Variants in ST8SIA4 observed in about 807,000 individuals in gnomAD.
ST8SIA4 encodes CMP-N-acetylneuraminate-poly-alpha-2,8-sialyltransferase.
In ST8SIA4, 15 loss-of-function variants were observed where a neutral mutation model predicts 33.9. That is an observed-to-expected ratio of 0.44 (90% CI 0.30 to 0.68). ST8SIA4 has a LOEUF of 0.68. Ranked by LOEUF, ST8SIA4 falls within the 30% of genes least tolerant of loss-of-function variation. The probability of loss-of-function intolerance (pLI) is 0.10; values close to 1 mark genes in which losing one functional copy is unlikely to be tolerated. For synonymous variants in ST8SIA4, 171 were observed against 151.2 expected (o/e 1.13, Z -0.96); for missense variants, 321 against 428.0 (o/e 0.75, Z 2.21).
chr5:100,903,078 G>C lies in ST8SIA4; in HGVS notation c.-123C>G. ...TAAAATGCGAGGAGAGCTTGGAGCC[G>C]GGATCCCGGGATCAGATCACTGGGG... On this transcript the variant is annotated 5_prime_UTR_variant, in exon 1 of 5. Coordinates refer to ENST00000231461, the MANE Select transcript of ST8SIA4 (RefSeq NM_005668.6). 1.5e-6 allele frequency: 1 copy of C among 677,628 alleles called. No homozygotes were observed. The highest frequency in any genetic ancestry group is 2.6e-6 in the Non-Finnish European group (1 of 391,936). 42.0% of individuals were successfully genotyped at this position (677,628 alleles called of 1,614,324 possible).
rs1751813589 is a variant in ST8SIA4 at position 100,856,378 on chromosome 5, C to T, written c.522G>A (p.Val174=). ...TTCCCACATCTGCAGCAAACTCCAC[C>T]ACAGGAGCTAGATTACACCTGAAGA... is the stretch of plus-strand genomic sequence containing the variant. The part of the protein sequence containing the change: ...NFVIRCNLAP[V]VEFAADVGTK... The change falls in exon 4 of 5, where the codon GTG becomes GTA. Residue 174 remains valine (V), a synonymous_variant. Coordinates refer to ENST00000231461, the MANE Select transcript of ST8SIA4 (RefSeq NM_005668.6). 2 of 1,613,376 alleles carry T rather than the reference C, an allele frequency of 1.2e-6. No homozygotes were observed. The highest frequency in any genetic ancestry group is 1.7e-5 in the Admixed American group (1 of 59,968).
chr5:100,852,236 C>T (rs1179424799), intron 4 of ST8SIA4, among the ~76,000 whole-genome samples: 1 of 150,572 alleles, frequency 6.6e-6, no homozygotes, highest in Non-Finnish European at 1.5e-5. Flanking sequence ...ATTCTCCTGC[C>T]TCAGCCTGCC....
At chr5:100,870,952 A>G (rs1752185931) in intron 3 of ST8SIA4, among the ~76,000 whole-genome samples, 1 of 152,126 alleles carries the variant, frequency 6.6e-6, no homozygotes. Context: ...AGCAAATATT[A>G]GATAAGCAAT....
In ST8SIA4 at chr5:100,886,437, G is replaced by A; in HGVS notation, c.409C>T (p.Arg137Cys). The A allele has an allele frequency of 6.8e-6, 11 of 1,613,930 alleles. No homozygotes were observed. The highest frequency in any genetic ancestry group is 1.3e-5 in the African/African-American group (1 of 75,024). ...LLPEVSPMKN[R>C]RFKTCAVVGN... Reference sequence around the variant, plus strand: ...ACAACTGCACAGGTCTTAAACCTGCGATTCTTCATTGGTGAAACTTCAGGT... The same window carrying A: ...ACAACTGCACAGGTCTTAAACCTGCAATTCTTCATTGGTGAAACTTCAGGT... Residue 137 changes from arginine (R) to cysteine (C), a missense_variant, in exon 3 of 5, where the codon CGC (arginine) becomes TGC (cysteine). By Grantham distance (180) the Arg-to-Cys change is radical (BLOSUM62 -3). Transcript: ENST00000231461.
chr5:100,883,064 A>G (rs1212108945), intron 3 of ST8SIA4, among the ~76,000 whole-genome samples: 1 of 152,166 alleles, frequency 6.6e-6, no homozygotes, highest in Non-Finnish European at 1.5e-5. Flanking sequence ...CAGACCCCAG[A>G]ATGGTAGATG....
At chr5:100,878,709 G>A (rs180722479) in intron 3 of ST8SIA4, among the ~76,000 whole-genome samples, 11 of 152,184 alleles carry the variant, frequency 7.2e-5, no homozygotes, top group East Asian at 3.9e-4. Flanking sequence ...AAGTGATCAC[G>A]TACAATTTCA....
chr5:100,858,219 T>A (rs1226359644), intron 3 of ST8SIA4, among the ~76,000 whole-genome samples: 1 of 152,006 alleles, frequency 6.6e-6, no homozygotes, highest in Non-Finnish European at 1.5e-5. Flanking sequence ...TGGGGAAAAG[T>A]ATATTCTGGA....
intron 4 of ST8SIA4, among the ~76,000 whole-genome samples, chr5:100,836,602 T>G (rs1293556040): frequency 1.3e-5 from 2 of 152,064 alleles, no homozygotes; most frequent in African/African-American, 4.8e-5. Flanking sequence ...TAACTTTCAC[T>G]TTTCTACAGC....
chr5:100,843,115 T>C (rs994765538), intron 4 of ST8SIA4, among the ~76,000 whole-genome samples: 1 of 151,888 alleles, frequency 6.6e-6, no homozygotes, highest in Non-Finnish European at 1.5e-5. Flanking sequence ...TACCTAAGAA[T>C]TCCTAATTAC....
At chr5:100,851,752 T>C (rs1751702978) in intron 4 of ST8SIA4, among the ~76,000 whole-genome samples, 1 of 152,108 alleles carries the variant, frequency 6.6e-6, no homozygotes, top group African/African-American at 2.4e-5. Context: ...ACACTTTCTG[T>C]AATGTTTGTT....
chr5:100,862,845 T>A (rs1394121655), intron 3 of ST8SIA4, among the ~76,000 whole-genome samples: 2 of 152,242 alleles, frequency 1.3e-5, no homozygotes, highest in African/African-American at 2.4e-5. Flanking sequence ...GCAAGAAATT[T>A]GTCCAAGAGT....
chr5:100,851,672 GTCTA>G (rs1301642188), intron 4 of ST8SIA4, among the ~76,000 whole-genome samples: 3 of 151,884 alleles, frequency 2.0e-5, no homozygotes, highest in Non-Finnish European at 2.9e-5. Context: ...CTATCTATCT[GTCTA>G]TCTATAGGTT....
At chr5:100,900,477 G>C (rs1752881510) in intron 1 of ST8SIA4, 1 of 456,164 alleles carries the variant, frequency 2.2e-6, no homozygotes, top group Admixed American at 2.3e-5. Context: ...TTTGGGAGTT[G>C]AAACGAAATA....
At position 100,812,041 on chromosome 5, in the gene ST8SIA4, G is replaced by C; in HGVS notation, c.886C>G (p.His296Asp). The C allele has an allele frequency of 6.2e-7, 1 of 1,614,096 alleles. No individual in the cohort carries two copies. Among genetic ancestry groups the C allele is most frequent in the Non-Finnish European group, 8.5e-7 (1 of 1,179,972 alleles). ...GGGAAGGGCCAGAATCCATACAGGT[G>C]AATTTCATCACAGAATCTTGTGGCA... is the stretch of plus-strand genomic sequence containing the variant. The part of the protein sequence containing the change: ...TLATRFCDEI[H>D]LYGFWPFPKD... The change falls in exon 5 of 5, where the codon CAC (histidine) becomes GAC (aspartate). Residue 296 changes from histidine (H) to aspartate (D), a missense_variant. His to Asp is a moderately conservative substitution (Grantham distance 81). Transcript: ENST00000231461.
chr5:100,896,416 G>A (rs1242813235), intron 1 of ST8SIA4, among the ~76,000 whole-genome samples: 1 of 152,084 alleles, frequency 6.6e-6, no homozygotes. Context: ...TAGAAGTAGA[G>A]AACAGAATAT....
Position 100,869,878 on chromosome 5 carries a change from A to C in ST8SIA4, c.504-13482T>G, listed in dbSNP as rs1372734826. On this transcript the variant is annotated intron_variant, in intron 3 of 4. Coordinates refer to ENST00000231461, the MANE Select transcript of ST8SIA4 (RefSeq NM_005668.6). ...TTGTTATTATTATACTTTAAGTTCT[A>C]GGGTACATGTGCACAACGTGCAGGT... 7.2e-5 allele frequency among the ~76,000 whole-genome samples: 11 copies of C among 152,168 alleles called. No individual in the cohort carries two copies. In the East Asian group the frequency reaches 1.9e-3, roughly 27 times the overall value.
intron 4 of ST8SIA4, among the ~76,000 whole-genome samples, chr5:100,823,860 C>T (rs567723380): frequency 2.7e-4 from 41 of 152,246 alleles, no homozygotes; most frequent in African/African-American, 5.1e-4. Context: ...TTCTTTCTAT[C>T]GAACTGGTGT....
At chr5:100,887,500 T>G (rs371518815) in intron 2 of ST8SIA4, among the ~76,000 whole-genome samples, 1 of 152,162 alleles carries the variant, frequency 6.6e-6, no homozygotes, top group Admixed American at 6.6e-5. Flanking sequence ...TTAAGGTTAC[T>G]TTTTTGGTCA....
chr5:100,838,996 T>C (rs1027244621), intron 4 of ST8SIA4, among the ~76,000 whole-genome samples: 4 of 149,162 alleles, frequency 2.7e-5, no homozygotes, highest in Non-Finnish European at 6.0e-5. Flanking sequence ...ACATTAATTT[T>C]TTTTTCTTTT....
Sources: allele counts gnomAD v4.1 joint callset (sites outside exome capture counted in the v4.1 genomes callset), GRCh38; gene constraint gnomAD v4.1.1; transcripts MANE v1.5; gene names NCBI Gene and HGNC (gene_info 2026-07-23, HGNC 2026-07-21).